The following GDA variants were observed in gnomAD, a reference collection of about 807,000 sequenced individuals.
GDA encodes cytoplasmic PSD-95 interactor.
A neutral mutation model predicts 59.6 loss-of-function variants in GDA; 18 were observed. That is an observed-to-expected ratio of 0.30 (90% CI 0.21 to 0.45). The LOEUF (loss-of-function observed/expected upper bound fraction) is 0.45. Among genes scored for constraint, GDA ranks in the 20% least tolerant of loss-of-function variants. The pLI is 1.00. For missense variants in GDA, 427 were observed against 552.3 expected (o/e 0.77, Z 2.27); for synonymous variants, 201 against 201.1 (o/e 1.00, Z 0.00).
intron 1 of GDA, among the ~76,000 whole-genome samples, chr9:72,124,040 C>T (rs77924894): frequency 2.6e-3 from 389 of 152,190 alleles, no homozygotes; most frequent in Non-Finnish European, 4.6e-3. Context: ...AGTATTGTAC[C>T]ATAGTTTTGC....
In GDA at chr9:72,221,960, T is replaced by C. The variant is rs577112652; in HGVS notation, c.607-1160T>C. Reference sequence around the variant, plus strand: ...CACATTTTCTTTATCCAGTCTATCATTGATGGGCATTTAGGTTGATTCCAT... The same window carrying C: ...CACATTTTCTTTATCCAGTCTATCACTGATGGGCATTTAGGTTGATTCCAT... On this transcript the variant is annotated intron_variant, in intron 6 of 13. Coordinates refer to ENST00000358399, the MANE Select transcript of GDA (RefSeq NM_004293.5). Among the ~76,000 whole-genome samples the C allele has an allele frequency of 1.1e-4, 16 of 152,352 alleles. 1 individual carries two copies. The South Asian group carries it at 3.1e-3, about 30-fold the overall frequency.
At position 72,157,619 on chromosome 9, in the gene GDA, T is replaced by A. The variant is rs1055380581; in HGVS notation, c.123+7937T>A. Among the ~76,000 whole-genome samples the A allele has an allele frequency of 2.6e-5, 4 of 152,324 alleles. No homozygotes were observed. In the East Asian group the frequency reaches 7.7e-4, roughly 29 times the overall value. On this transcript the variant is annotated intron_variant, in intron 1 of 13. Transcript: ENST00000358399. ...CCTTTAGTGTCTCTGAGCTAAAATATAACAGGAGACCCTTAACTGTTTTCT... is the reference window on the plus strand; with the variant it reads ...CCTTTAGTGTCTCTGAGCTAAAATAAAACAGGAGACCCTTAACTGTTTTCT...
chr9:72,208,013 G>C (rs890599011), intron 3 of GDA, among the ~76,000 whole-genome samples: 9 of 152,138 alleles, frequency 5.9e-5, no homozygotes, highest in South Asian at 2.1e-4. Context: ...GAGGTGGAAG[G>C]CTCTCTTGAT....
rs576193213 is a variant in GDA, at chr9:72,241,036, C to G, written c.989-116C>G. The G allele has an allele frequency of 4.9e-5, 31 of 631,386 alleles. No homozygotes were observed. The East Asian group carries it at 8.4e-4, about 17-fold the overall frequency. 39.1% of individuals were successfully genotyped at this position (631,386 alleles called of 1,614,324 possible). A position where few individuals can be genotyped will look rare whatever the true frequency, so the allele number is the denominator to read the frequency against. On this transcript the variant is annotated intron_variant, in intron 10 of 13. Transcript: ENST00000358399. Reference sequence around the variant, plus strand: ...ACTATCTTGTGTTTATAGTTAAGAGCTTTTTAAAAAAAGTATATTAAGGAC... The same window carrying G: ...ACTATCTTGTGTTTATAGTTAAGAGGTTTTTAAAAAAAGTATATTAAGGAC...
At chr9:72,186,721 CCTGT>C (rs1388971586) in intron 1 of GDA, among the ~76,000 whole-genome samples, 2 of 152,184 alleles carry the variant, frequency 1.3e-5, no homozygotes, top group African/African-American at 2.4e-5. Context: ...ACAGAATACT[CCTGT>C]CTATTTCACA....
At chr9:72,210,522 A>G (rs1255365934) in intron 3 of GDA, among the ~76,000 whole-genome samples, 165 bp from the exon 4 acceptor site, 1 of 152,224 alleles carries the variant, frequency 6.6e-6, no homozygotes, top group African/African-American at 2.4e-5. Flanking sequence ...AACTTTTGGA[A>G]TATAAATACC....
At chr9:72,234,582 A>G (rs1264551756) in intron 10 of GDA, among the ~76,000 whole-genome samples, 2 of 152,188 alleles carry the variant, frequency 1.3e-5, no homozygotes, top group Non-Finnish European at 2.9e-5. Flanking sequence ...CACAGAGCCA[A>G]CACATGGGGT....
chr9:72,126,629 C>T (rs182242552), intron 1 of GDA, among the ~76,000 whole-genome samples: 28 of 145,930 alleles, frequency 1.9e-4, no homozygotes, highest in Admixed American at 5.6e-4. Flanking sequence ...TGCAGCGGCG[C>T]GATCTCGGCT....
At chr9:72,174,322 G>T (rs973948818) in intron 1 of GDA, among the ~76,000 whole-genome samples, 3 of 152,198 alleles carry the variant, frequency 2.0e-5, no homozygotes, top group African/African-American at 7.2e-5. Flanking sequence ...ATGTGAAATT[G>T]CAACTACAAT....
intron 11 of GDA, among the ~76,000 whole-genome samples, chr9:72,242,910 C>T (rs1199926589): frequency 6.6e-6 from 1 of 152,188 alleles, no homozygotes; most frequent in Non-Finnish European, 1.5e-5. Context: ...TAAGTTACTT[C>T]ATCAGGATCC....
chr9:72,122,654 C>T, intron 1 of GDA, among the ~76,000 whole-genome samples: 1 of 151,820 alleles, frequency 6.6e-6, no homozygotes. Flanking sequence ...CACACACACA[C>T]ACACACACAC....
In GDA at chr9:72,241,397, C is replaced by T. The variant is rs1839596550; in HGVS notation, c.1135+99C>T. ...ATGCATGATTGGTATTAGGAAAATCCAATATTTGTGATGATCACATCTCAT... is the reference window on the plus strand; with the variant it reads ...ATGCATGATTGGTATTAGGAAAATCTAATATTTGTGATGATCACATCTCAT... On this transcript the variant is annotated intron_variant, in intron 11 of 13. Coordinates refer to ENST00000358399, the MANE Select transcript of GDA (RefSeq NM_004293.5). 13 of 880,014 alleles carry T rather than the reference C, an allele frequency of 1.5e-5. No individual in the cohort carries two copies. In the South Asian group the frequency reaches 2.5e-4, roughly 17 times the overall value. 54.5% of individuals were successfully genotyped at this position (880,014 alleles called of 1,614,324 possible).
At chr9:72,116,907 T>C (rs1825471177) in intron 1 of GDA, among the ~76,000 whole-genome samples, 1 of 151,892 alleles carries the variant, frequency 6.6e-6, no homozygotes, top group African/African-American at 2.4e-5. Flanking sequence ...GTATATCTCC[T>C]AATGCTATCC....
intron 3 of GDA, among the ~76,000 whole-genome samples, chr9:72,207,724 A>T (rs1027618970): frequency 6.6e-6 from 1 of 152,206 alleles, no homozygotes; most frequent in Non-Finnish European, 1.5e-5. Context: ...CATGAAAATT[A>T]TCTTAATATT....
intron 1 of GDA, among the ~76,000 whole-genome samples, chr9:72,181,251 A>G (rs755892076): frequency 6.6e-6 from 1 of 152,148 alleles, no homozygotes; most frequent in African/African-American, 2.4e-5. Context: ...TTGAAGCTCT[A>G]TGTGTTCTCA....
rs183122856 is a variant in GDA, at chr9:72,188,248, C to A, written c.124-7252C>A. On this transcript the variant is annotated intron_variant, in intron 1 of 13. Transcript: ENST00000358399. Reference sequence around the variant, plus strand: ...CACCATCAATACAATGGGAGATAGACCCTGAAAGCATTTCAGAGATCTTTG... The same window carrying A: ...CACCATCAATACAATGGGAGATAGAACCTGAAAGCATTTCAGAGATCTTTG... Among the ~76,000 whole-genome samples, 153 of 152,320 alleles carry A rather than the reference C, an allele frequency of 1.0e-3. 1 individual carries two copies. The highest frequency in any genetic ancestry group is 3.5e-3 in the African/African-American group (144 of 41,588).
chr9:72,202,451 A>G, intron 2 of GDA, 120 bp from the exon 3 acceptor site: 1 of 634,662 alleles, frequency 1.6e-6, no homozygotes, highest in Non-Finnish European at 2.7e-6. Flanking sequence ...GTCTGATTGC[A>G]TTACCTATAA....
At chr9:72,146,881 A>G (rs1268898288), upstream of GDA, among the ~76,000 whole-genome samples, 1 of 152,132 alleles carries the variant, frequency 6.6e-6, no homozygotes, top group Non-Finnish European at 1.5e-5. Context: ...AGGTACCTAC[A>G]ACTTGACTGG....
At chr9:72,198,121 C>T (rs138299912) in intron 2 of GDA, among the ~76,000 whole-genome samples, 129 of 152,180 alleles carry the variant, frequency 8.5e-4, no homozygotes, top group African/African-American at 2.8e-3. Flanking sequence ...CATGGCTGGG[C>T]GCGGTGGCTC....
Sources: allele counts gnomAD v4.1 joint callset (sites outside exome capture counted in the v4.1 genomes callset), GRCh38; gene constraint gnomAD v4.1.1; transcripts MANE v1.5; gene names NCBI Gene and HGNC (gene_info 2026-07-23, HGNC 2026-07-21).